The following GATAD2B variants were observed in gnomAD, a reference collection of about 807,000 sequenced individuals.
GATAD2B encodes transcriptional repressor p66-beta.
In GATAD2B, 8 loss-of-function variants were observed where a neutral mutation model predicts 64.3. The observed-to-expected ratio is 0.12, with a 90% CI of 0.07 to 0.22. The LOEUF (loss-of-function observed/expected upper bound fraction) is 0.22. Among genes scored for constraint, GATAD2B ranks in the 10% least tolerant of loss-of-function variants. The pLI, the probability that GATAD2B is intolerant of heterozygous loss-of-function variation, is 1.00. For missense variants in GATAD2B, 453 were observed against 752.0 expected (o/e 0.60, Z 4.65); for synonymous variants, 281 against 271.3 (o/e 1.04, Z -0.35).
rs869096882 is a variant in GATAD2B at position 153,820,974 on chromosome 1, A to ATTTTTT, written c.336-1245_336-1240dup. Among the ~76,000 whole-genome samples, 207 of 50,870 alleles carry ATTTTTT rather than the reference A, an allele frequency of 4.1e-3. 12 individuals are homozygous for ATTTTTT. The highest frequency in any genetic ancestry group is 0.017 in the African/African-American group (199 of 11,564). 33.4% of individuals were successfully genotyped at this position (50,870 alleles called of 152,430 possible). The stretch of plus-strand genomic sequence containing the variant: ...GTCCTAGTTGCTGTTGGCACATGGA[A>ATTTTTT]TTTTTTTTTTTTTTTTTTTTTTTTT... On this transcript the variant is annotated intron_variant, in intron 2 of 10. Transcript: ENST00000368655.
At chr1:153,862,353 C>T (rs1676331525) in intron 1 of GATAD2B, among the ~76,000 whole-genome samples, 1 of 151,864 alleles carries the variant, frequency 6.6e-6, no homozygotes, top group South Asian at 2.1e-4. Flanking sequence ...GAACTTCTGA[C>T]CTCAGGTGAT....
chr1:153,844,577 C>A (rs1467478754), intron 1 of GATAD2B, among the ~76,000 whole-genome samples: 1 of 151,614 alleles, frequency 6.6e-6, no homozygotes, highest in African/African-American at 2.4e-5. Flanking sequence ...GAATACTATG[C>A]AGCCATAAAA....
chr1:153,905,553 G>GAAAAAAA (rs769120730), intron 1 of GATAD2B, among the ~76,000 whole-genome samples: 67 of 64,532 alleles, frequency 1.0e-3, no homozygotes, highest in East Asian at 1.8e-3. Flanking sequence ...AACAATTTTG[G>GAAAAAAA]AAAAAAAAAA....
Position 153,816,490 on chromosome 1 carries a change from G to A in GATAD2B, c.999C>T (p.Ser333=), listed in dbSNP as rs1338087792. Residue 333 remains serine, a synonymous_variant, in exon 7 of 11, where the codon TCC becomes TCT. Transcript: ENST00000368655. This position sits in a 1 kb window ranked among gnomAD's most constrained non-coding sequence, Gnocchi z 4.9. ...TGGCGCTGGGGCTAGGAAGTGGCGA[G>A]GACACTCTGTTCACCGTCCCTGGCT... ...HIQPGTVNRV[S]SPLPSPSAMT... is the part of the protein sequence containing the mutation. 3 of 1,613,804 alleles carry A rather than the reference G, an allele frequency of 1.9e-6. No individual in the cohort carries two copies. The East Asian group carries it at 6.7e-5, about 36-fold the overall frequency.
At chr1:153,836,385 A>G (rs1344198021) in intron 1 of GATAD2B, among the ~76,000 whole-genome samples, 1 of 149,368 alleles carries the variant, frequency 6.7e-6, no homozygotes, top group Non-Finnish European at 1.5e-5. Flanking sequence ...CAAGTAGCTG[A>G]GATTACAGGT....
intron 2 of GATAD2B, among the ~76,000 whole-genome samples, 166 bp from the exon 3 acceptor site, chr1:153,819,901 C>A (rs1674618239): frequency 6.6e-6 from 1 of 151,986 alleles, no homozygotes; most frequent in Admixed American, 6.6e-5. Flanking sequence ...GAGTTCGAGA[C>A]CAGCCTGACC....
intron 1 of GATAD2B, among the ~76,000 whole-genome samples, chr1:153,906,017 A>C (rs1677915891): frequency 6.7e-6 from 1 of 150,058 alleles, no homozygotes. Context: ...CACTGGGCCG[A>C]GATCACGCCA....
intron 1 of GATAD2B, among the ~76,000 whole-genome samples, chr1:153,848,980 C>CT (rs1440520395): frequency 6.6e-6 from 1 of 151,330 alleles, no homozygotes; most frequent in Non-Finnish European, 1.5e-5. Flanking sequence ...CAAACCCCCC[C>CT]CCTCCCCCAG....
chr1:153,876,154 G>A (rs1676822288), intron 1 of GATAD2B, among the ~76,000 whole-genome samples: 1 of 142,036 alleles, frequency 7.0e-6, no homozygotes, highest in African/African-American at 2.6e-5. Flanking sequence ...CTTGAACCCG[G>A]GAGGCGGAGA....
chr1:153,814,353 G>C (rs535653700), intron 7 of GATAD2B, among the ~76,000 whole-genome samples: 6 of 152,236 alleles, frequency 3.9e-5, no homozygotes, highest in Non-Finnish European at 7.4e-5. Context: ...GTTTAGTATT[G>C]GTTTACAGCT....
intron 1 of GATAD2B, among the ~76,000 whole-genome samples, chr1:153,840,015 G>GA (rs1457148776): frequency 1.4e-5 from 2 of 146,364 alleles, no homozygotes; most frequent in Non-Finnish European, 3.0e-5. Flanking sequence ...AAGTAGAAAT[G>GA]AAAATACTTT....
chr1:153,913,342 T>G (rs2101970115), intron 1 of GATAD2B, among the ~76,000 whole-genome samples: 1 of 152,344 alleles, frequency 6.6e-6, no homozygotes, highest in South Asian at 2.1e-4. Flanking sequence ...TCCCCAGGCC[T>G]GTCTGCATGC....
intron 1 of GATAD2B, among the ~76,000 whole-genome samples, chr1:153,882,929 A>G (rs1327379487): frequency 6.6e-6 from 1 of 152,220 alleles, no homozygotes; most frequent in East Asian, 1.9e-4. Context: ...CCAAAGAGGA[A>G]GAAGGGCAAT....
rs140198540 is a variant in GATAD2B, at chr1:153,855,024, A to T, written c.-1-26676T>A. On this transcript the variant is annotated intron_variant, in intron 1 of 10. Transcript: ENST00000368655. ...GAGACTTACAGACATAATCAAATATAATGTATAATCTTTGATTGAATCTTG... is the reference window on the plus strand; with the variant it reads ...GAGACTTACAGACATAATCAAATATTATGTATAATCTTTGATTGAATCTTG... Among the ~76,000 whole-genome samples the T allele has an allele frequency of 1.9e-3, 293 of 152,344 alleles. 2 individuals carry two copies. The highest frequency in any genetic ancestry group is 6.7e-3 in the African/African-American group (277 of 41,582).
chr1:153,886,163 T>C (rs143814465), intron 1 of GATAD2B, among the ~76,000 whole-genome samples: 2 of 152,342 alleles, frequency 1.3e-5, no homozygotes, highest in Non-Finnish European at 2.9e-5. Flanking sequence ...TGTTAAATCT[T>C]TGTCCCCATT....
intron 1 of GATAD2B, among the ~76,000 whole-genome samples, chr1:153,832,788 C>A (rs1675123868): frequency 6.6e-6 from 1 of 152,126 alleles, no homozygotes. Context: ...AGTTTTTCAA[C>A]CCTTATCTCC....
At chr1:153,881,434 A>T (rs1677006841) in intron 1 of GATAD2B, among the ~76,000 whole-genome samples, 1 of 152,264 alleles carries the variant, frequency 6.6e-6, no homozygotes, top group South Asian at 2.1e-4. Flanking sequence ...AAATGGATGA[A>T]GCAGAGGGAA....
chr1:153,854,364 C>G (rs1041099115), intron 1 of GATAD2B, among the ~76,000 whole-genome samples: 1 of 152,090 alleles, frequency 6.6e-6, no homozygotes, highest in African/African-American at 2.4e-5. Context: ...GATCTTGCCA[C>G]TGCACTCCAG....
intron 2 of GATAD2B, among the ~76,000 whole-genome samples, chr1:153,824,009 C>T (rs141811730): frequency 2.0e-5 from 3 of 152,268 alleles, no homozygotes; most frequent in African/African-American, 7.2e-5. Flanking sequence ...GGATTACAGG[C>T]GTGAGCCACT....
Sources: gnomAD v4.1 joint callset for allele counts (sites outside exome capture counted in the v4.1 genomes callset) on GRCh38, gnomAD v4.1.1 for gene constraint, Gnocchi (gnomAD v3.1) non-coding constraint, MANE v1.5 for transcripts, NCBI Gene and HGNC (gene_info 2026-07-23, HGNC 2026-07-21) for gene names.